Variants in SYNE3 observed in about 807,000 individuals in gnomAD.
The protein encoded by SYNE3 is nesprin-3.
Under a neutral mutation model 111.2 loss-of-function variants are expected in SYNE3, and 100 were observed. The observed-to-expected ratio is 0.90, with a 90% CI of 0.77 to 1.06. The LOEUF (loss-of-function observed/expected upper bound fraction) is 1.06. Ranked by LOEUF, SYNE3 falls within the 50% of genes least tolerant of loss-of-function variation. The pLI, the probability that SYNE3 is intolerant of heterozygous loss-of-function variation, is 0.00. For missense variants in SYNE3, 1,160 were observed against 1,240.3 expected (o/e 0.94, Z 0.97); for synonymous variants, 547 against 533.9 (o/e 1.02, Z -0.34).
rs1168606494 is a variant in SYNE3, at chr14:95,454,508, C to T, written c.1137+869G>A. Among the ~76,000 whole-genome samples the T allele has an allele frequency of 3.9e-5, 6 of 152,246 alleles. No homozygotes were observed. The East Asian group carries it at 1.2e-3, about 29-fold the overall frequency. On this transcript the variant is annotated intron_variant, in intron 6 of 17. Coordinates refer to ENST00000682763, the MANE Select transcript of SYNE3 (RefSeq NM_152592.6). ...CCCCATCCCTCACCACTGTGCCACA[C>T]CACCTCCAAGGCGCATTGAGGCAGA... is the stretch of plus-strand genomic sequence containing the variant.
intron 8 of SYNE3, among the ~76,000 whole-genome samples, chr14:95,447,135 CTTTT>C (rs11412651): frequency 2.2e-5 from 3 of 134,560 alleles, no homozygotes; most frequent in Admixed American, 7.7e-5. Context: ...AGTGGTCATT[CTTTT>C]TTTTTTTTTT....
intron 1 of SYNE3, among the ~76,000 whole-genome samples, chr14:95,512,047 CT>C (rs1890741139): frequency 6.6e-6 from 1 of 152,190 alleles, no homozygotes; most frequent in Admixed American, 6.5e-5. Context: ...AGGCCAGGAC[CT>C]TTAAAAATCC....
chr14:95,449,824 A>C, intron 8 of SYNE3, 107 bp downstream of exon 8: 1 of 1,462,442 alleles, frequency 6.8e-7, no homozygotes, highest in Admixed American at 2.3e-5. Flanking sequence ...CTCTCCCCAG[A>C]TATCCGGAGG....
In SYNE3 at chr14:95,412,993, G is replaced by C. The variant is rs903029759; in HGVS notation, c.*4833C>G. On this transcript the variant is annotated 3_prime_UTR_variant, in exon 18 of 18. Transcript: ENST00000682763. The stretch of plus-strand genomic sequence containing the variant: ...ATCCCAGAATGAAGAGCCAGCGTTT[G>C]GGCAAAATAAATCCTATGGAAAGAA... The C allele has an allele frequency of 9.9e-5, 15 of 151,830 alleles. No homozygotes were observed. The highest frequency in any genetic ancestry group is 3.2e-4 in the African/African-American group (13 of 41,112). The allele number at this position is 151,830 out of a possible 1,614,324, so 9.4% of individuals were successfully genotyped here. A position where few individuals can be genotyped will look rare whatever the true frequency, so the allele number is the denominator to read the frequency against.
At position 95,414,985 on chromosome 14, in the gene SYNE3, A is replaced by C. The variant is rs1426030286; in HGVS notation, c.*2841T>G. 6.6e-6 allele frequency: 1 copy of C among 152,214 alleles called. No individual in the cohort carries two copies. The highest frequency in any genetic ancestry group is 2.4e-5 in the African/African-American group (1 of 41,450). 9.4% of individuals were successfully genotyped at this position (152,214 alleles called of 1,614,324 possible). A position where few individuals can be genotyped will look rare whatever the true frequency, so the allele number is the denominator to read the frequency against. ...CAGACTTGATGGCATCATTATCAAA[A>C]TTTAAAAAATATAGGTAGATATTCC... is the stretch of plus-strand genomic sequence containing the variant. On this transcript the variant is annotated 3_prime_UTR_variant, in exon 18 of 18. Transcript: ENST00000682763.
At position 95,465,907 on chromosome 14, in the gene SYNE3, T is replaced by C. The variant is rs1445878586; in HGVS notation, c.627+24A>G. ...ATACATGGATGGGTGGGTGAGGATGTAGCCCACTCAGCCTCACCCTCACCT... is the reference window on the plus strand; with the variant it reads ...ATACATGGATGGGTGGGTGAGGATGCAGCCCACTCAGCCTCACCCTCACCT... On this transcript the variant is annotated intron_variant, in intron 4 of 17. Coordinates refer to ENST00000682763, the MANE Select transcript of SYNE3 (RefSeq NM_152592.6). The C allele has an allele frequency of 5.2e-6, 8 of 1,548,002 alleles. No homozygotes were observed. The South Asian group carries it at 9.8e-5, about 19-fold the overall frequency.
chr14:95,459,991 G>A (rs1453017061), intron 4 of SYNE3, among the ~76,000 whole-genome samples: 2 of 151,968 alleles, frequency 1.3e-5, no homozygotes, highest in African/African-American at 2.4e-5. Flanking sequence ...CAGCTACTTG[G>A]GAGGCTGAGG....
chr14:95,494,512 G>A (rs962500764), intron 1 of SYNE3, among the ~76,000 whole-genome samples: 2 of 152,160 alleles, frequency 1.3e-5, no homozygotes, highest in African/African-American at 4.8e-5. Flanking sequence ...AAAGAGAGAC[G>A]GGAGGAGGCC....
At chr14:95,507,308 A>C (rs1382720276) in intron 1 of SYNE3, among the ~76,000 whole-genome samples, 1 of 152,210 alleles carries the variant, frequency 6.6e-6, no homozygotes, top group East Asian at 1.9e-4. Context: ...AGCCAATGTC[A>C]GTACGTTGAA....
At position 95,435,429 on chromosome 14, in the gene SYNE3, G is replaced by A. The variant is rs188964363; in HGVS notation, c.2538+1391C>T. Among the ~76,000 whole-genome samples, 372 of 152,138 alleles carry A rather than the reference G, an allele frequency of 2.4e-3. 1 individual carries two copies. Among genetic ancestry groups the A allele is most frequent in the African/African-American group, 8.6e-3 (355 of 41,504 alleles). On this transcript the variant is annotated intron_variant, in intron 15 of 17. Coordinates refer to ENST00000682763, the MANE Select transcript of SYNE3 (RefSeq NM_152592.6). ...AGAAAAACTATCCAGAATGCAAAAC[G>A]AAGAGAGAAAAGGATGAAAAATACA...
intron 17 of SYNE3, 73 bp from the exon 18 acceptor site, chr14:95,418,099 G>A: frequency 6.6e-7 from 1 of 1,518,800 alleles, no homozygotes; most frequent in Non-Finnish European, 9.0e-7. Flanking sequence ...AGGGGGCGAG[G>A]AGGATGCCAG....
chr14:95,453,237 G>A (rs1887200698), intron 6 of SYNE3, among the ~76,000 whole-genome samples: 1 of 152,176 alleles, frequency 6.6e-6, no homozygotes, highest in South Asian at 2.1e-4. Flanking sequence ...GTACAGAGCA[G>A]GGATGCATTA....
At chr14:95,466,282 C>A (rs751511882) in intron 3 of SYNE3, 42 bp from the exon 4 acceptor site, 2 of 1,525,646 alleles carry the variant, frequency 1.3e-6, no homozygotes, top group African/African-American at 2.7e-5. Context: ...GAACCAGCCA[C>A]CTGCCTCCTG....
At chr14:95,449,421 A>C in intron 8 of SYNE3, 1 of 985,368 alleles carries the variant, frequency 1.0e-6, no homozygotes, top group African/African-American at 1.7e-5. Flanking sequence ...CTCCATCCGG[A>C]GCCAGTTGTT....
At chr14:95,492,735 G>T (rs751399333) in intron 1 of SYNE3, among the ~76,000 whole-genome samples, 1 of 152,120 alleles carries the variant, frequency 6.6e-6, no homozygotes, top group Non-Finnish European at 1.5e-5. Flanking sequence ...AGGCATTGAG[G>T]GTAGGCGAGG....
chr14:95,424,099 A>G (rs1278979083), intron 17 of SYNE3, among the ~76,000 whole-genome samples: 1 of 152,108 alleles, frequency 6.6e-6, no homozygotes, highest in Non-Finnish European at 1.5e-5. Flanking sequence ...AGAAGGAGAG[A>G]CCTGCATTAC....
intron 9 of SYNE3, among the ~76,000 whole-genome samples, chr14:95,445,476 A>G (rs1887653075): frequency 6.6e-6 from 1 of 152,276 alleles, no homozygotes; most frequent in South Asian, 2.1e-4. Context: ...ACCTAAAAGA[A>G]TAAGCTGTCC....
chr14:95,471,423 G>C (rs192836833), intron 2 of SYNE3, among the ~76,000 whole-genome samples: 8 of 152,328 alleles, frequency 5.3e-5, no homozygotes, highest in South Asian at 2.1e-4. Flanking sequence ...AAAGACCCGA[G>C]ACCCACTGCC....
intron 1 of SYNE3, among the ~76,000 whole-genome samples, chr14:95,503,610 CTTTTTTTT>C (rs386382233): frequency 2.7e-4 from 25 of 91,884 alleles, no homozygotes; most frequent in Middle Eastern, 0.013. Flanking sequence ...TCAGAACTAC[CTTTTTTTT>C]TTTTTTTTTT....
Sources: gnomAD v4.1 joint callset for allele counts (sites outside exome capture counted in the v4.1 genomes callset) on GRCh38, gnomAD v4.1.1 for gene constraint, MANE v1.5 for transcripts, NCBI Gene and HGNC (gene_info 2026-07-23, HGNC 2026-07-21) for gene names.